Variants in FBLN2 observed in about 807,000 individuals in gnomAD.
FBLN2 encodes the protein fibulin 2, also known as fibulin-2.
FBLN2 carries 81 observed loss-of-function variants against 123.7 expected under a neutral mutation model. The observed-to-expected ratio is 0.65, with a 90% CI of 0.55 to 0.79. FBLN2 has a LOEUF of 0.79. Ranked by LOEUF, FBLN2 falls within the 30% of genes least tolerant of loss-of-function variation. The pLI, the probability that FBLN2 is intolerant of heterozygous loss-of-function variation, is 0.00. For synonymous variants in FBLN2, 699 were observed against 701.4 expected (o/e 1.00, Z 0.05); for missense variants, 1,603 against 1,681.3 (o/e 0.95, Z 0.81).
At position 13,621,763 on chromosome 3, in the gene FBLN2, G is replaced by A. The variant is rs1705858940; in HGVS notation, c.2156-12G>A. 4.3e-6 allele frequency: 7 copies of A among 1,613,494 alleles called. No homozygotes were observed. The highest frequency in any genetic ancestry group is 1.3e-5 in the African/African-American group (1 of 74,914). On this transcript the variant is annotated splice_polypyrimidine_tract_variant and intron_variant, in intron 8 of 17. Transcript: ENST00000404922. ...ACAGTCCTTCTGTTTTTCCTCCTGCGGCTGCCACTAGACCAAGACGAGTGC... is the reference window on the plus strand; with the variant it reads ...ACAGTCCTTCTGTTTTTCCTCCTGCAGCTGCCACTAGACCAAGACGAGTGC...
chr3:13,555,548 A>G (rs569060658), intron 1 of FBLN2, among the ~76,000 whole-genome samples: 17 of 151,856 alleles, frequency 1.1e-4, no homozygotes, highest in Non-Finnish European at 1.9e-4. Context: ...TCCGCCTCCC[A>G]GGTTCATACC....
intron 5 of FBLN2, among the ~76,000 whole-genome samples, chr3:13,615,450 C>G (rs1705566143): frequency 2.6e-5 from 4 of 152,206 alleles, no homozygotes; most frequent in Admixed American, 2.0e-4. Flanking sequence ...AGATGAGGTC[C>G]TGGTATCAAG....
chr3:13,604,638 C>T lies in FBLN2; in HGVS notation c.1307-3424C>T, dbSNP rs544575075. On this transcript the variant is annotated intron_variant, in intron 2 of 17. Coordinates refer to ENST00000404922, the MANE Select transcript of FBLN2 (RefSeq NM_001004019.2). ...GACAATGCTATATAGTAGCATGGCC[C>T]GTGGGCATTATTTTTGTAATATTTA... 8.3e-4 allele frequency among the ~76,000 whole-genome samples: 127 copies of T among 152,262 alleles called. 1 individual carries two copies. The highest frequency in any genetic ancestry group is 8.7e-4 in the Non-Finnish European group (59 of 68,032).
At chr3:13,622,202 AG>A (rs1459339185) in intron 9 of FBLN2, among the ~76,000 whole-genome samples, 1 of 152,062 alleles carries the variant, frequency 6.6e-6, no homozygotes. Flanking sequence ...CAGGAAAATG[AG>A]GGGGTCAGAC....
intron 1 of FBLN2, among the ~76,000 whole-genome samples, chr3:13,556,628 G>A (rs891029582): frequency 6.6e-6 from 1 of 152,236 alleles, no homozygotes; most frequent in Non-Finnish European, 1.5e-5. Context: ...CCCCAAGGCA[G>A]GGTGTGGTGG....
At chr3:13,568,239 C>T (rs1307542578) in intron 1 of FBLN2, among the ~76,000 whole-genome samples, 1 of 152,216 alleles carries the variant, frequency 6.6e-6, no homozygotes, top group Non-Finnish European at 1.5e-5. Flanking sequence ...CATGGCCCTC[C>T]ACCGCAGCCT....
rs780969501 is a variant in FBLN2, at chr3:13,571,268, G to A, written c.913G>A (p.Asp305Asn). The A allele has an allele frequency of 7.1e-5, 112 of 1,569,830 alleles. No individual in the cohort carries two copies. The highest frequency in any genetic ancestry group is 9.4e-5 in the Non-Finnish European group (109 of 1,158,120). Residue 305 changes from aspartate (D) to asparagine (N), a missense_variant, in exon 2 of 18, where the codon GAT becomes AAT. Asp to Asn is a conservative substitution (Grantham distance 23). Coordinates refer to ENST00000404922, the MANE Select transcript of FBLN2 (RefSeq NM_001004019.2). ...GGCAGCAGGTGGCCACAGGGGGCTG[G>A]ATGGGCTGCCCACTACAGCCCCAGC... Reference protein sequence around the residue: ...QLAAGGHRGLDGLPTTAPAGP... With the variant: ...QLAAGGHRGLNGLPTTAPAGP...
At position 13,627,950 on chromosome 3, in the gene FBLN2, T is replaced by A; in HGVS notation, c.2550T>A (p.Asp850Glu). The A allele has an allele frequency of 1.2e-6, 2 of 1,613,538 alleles. No individual in the cohort carries two copies. Among genetic ancestry groups the A allele is most frequent in the Non-Finnish European group, 1.7e-6 (2 of 1,179,682 alleles). ...RQRCMDGFLQ[D>E]PEGNCVDINE... ...GCTGCATGGATGGCTTCCTGCAGGA[T>A]CCTGAAGGCAACTGTGTGGGTGAGC... Residue 850 changes from aspartate to glutamate, a missense_variant, in exon 11 of 18, where the codon GAT becomes GAA. Physicochemically the swap from Asp to Glu is conservative, Grantham distance 45 (BLOSUM62 2). Coordinates refer to ENST00000404922, the MANE Select transcript of FBLN2 (RefSeq NM_001004019.2).
At chr3:13,600,323 G>A (rs1275372679) in intron 2 of FBLN2, among the ~76,000 whole-genome samples, 1 of 152,072 alleles carries the variant, frequency 6.6e-6, no homozygotes, top group African/African-American at 2.4e-5. Flanking sequence ...CAACTGGGTG[G>A]CCCTCCCAGC....
At chr3:13,617,729 A>ACCCCC (rs1183506141) in intron 5 of FBLN2, among the ~76,000 whole-genome samples, 15 of 13,930 alleles carry the variant, frequency 1.1e-3, no homozygotes, top group Non-Finnish European at 9.5e-4. Flanking sequence ...CCATTCATCC[A>ACCCCC]CCCCCCCCAC....
chr3:13,627,709 C>G, intron 10 of FBLN2, 123 bp from the exon 11 acceptor site: 5 of 1,286,498 alleles, frequency 3.9e-6, no homozygotes, highest in Middle Eastern at 5.4e-4. Context: ...GTGCCAGCTT[C>G]CCAGGGAGAT....
intron 14 of FBLN2, among the ~76,000 whole-genome samples, chr3:13,630,434 A>G (rs1016190553): frequency 2.6e-5 from 4 of 152,164 alleles, no homozygotes; most frequent in African/African-American, 9.7e-5. Context: ...TCTTGGCCCC[A>G]TTTACCTGGC....
At position 13,603,224 on chromosome 3, in the gene FBLN2, CTTTT is replaced by C. The variant is rs369193288; in HGVS notation, c.1307-4832_1307-4829del. ...CTACGCCTGGCCTCCTTTTTTCTTT[CTTTT>C]TTTTTAAGTTTTTTTTTTTTTAATT... On this transcript the variant is annotated intron_variant, in intron 2 of 17. Coordinates refer to ENST00000404922, the MANE Select transcript of FBLN2 (RefSeq NM_001004019.2). Among the ~76,000 whole-genome samples, 1,064 of 128,116 alleles carry C rather than the reference CTTTT, an allele frequency of 8.3e-3. 18 individuals carry two copies. The highest frequency in any genetic ancestry group is 0.031 in the African/African-American group (1,007 of 32,512). The allele number at this position is 128,116 out of a possible 152,430, so 84.0% of individuals were successfully genotyped here.
rs115865158 is a variant in FBLN2, at chr3:13,578,608, T to C, written c.1306+6947T>C. Among the ~76,000 whole-genome samples the C allele has an allele frequency of 8.7e-4, 132 of 152,380 alleles. 3 individuals are homozygous for C. Among genetic ancestry groups the C allele is most frequent in the African/African-American group, 3.2e-3 (131 of 41,580 alleles). ...TCTGTTCATCTGTTGATGGACATTA[T>C]TCTTCCAGCTTTTCAGTATTATGAG... On this transcript the variant is annotated intron_variant, in intron 2 of 17. Transcript: ENST00000404922.
rs768451938 is a variant in FBLN2, at chr3:13,630,815, G to T, written c.3085G>T (p.Asp1029Tyr). 62 of 1,593,956 alleles carry T rather than the reference G, an allele frequency of 3.9e-5. No homozygotes were observed. The highest frequency in any genetic ancestry group is 4.9e-5 in the Non-Finnish European group (57 of 1,169,692). The change falls in exon 15 of 18, where the codon GAC (aspartate) becomes TAC (tyrosine). Residue 1029 changes from aspartate to tyrosine, a missense_variant and splice_region_variant. Asp to Tyr is a radical substitution (Grantham distance 160). Coordinates refer to ENST00000404922, the MANE Select transcript of FBLN2 (RefSeq NM_001004019.2). ...QLAEDGHTCT[D>Y]IDECAQGAGI... Reference sequence around the variant, plus strand: ...GGCTGAGGATGGGCACACCTGCACAGGTACCTCTCCCCTGTCCAAGGGCCC... The same window carrying T: ...GGCTGAGGATGGGCACACCTGCACATGTACCTCTCCCCTGTCCAAGGGCCC...
At chr3:13,580,756 CG>C (rs1184735074) in intron 2 of FBLN2, among the ~76,000 whole-genome samples, 1 of 152,228 alleles carries the variant, frequency 6.6e-6, no homozygotes, top group Non-Finnish European at 1.5e-5. Flanking sequence ...GGACACACCT[CG>C]GCCATGTATA....
intron 2 of FBLN2, among the ~76,000 whole-genome samples, chr3:13,585,940 T>C (rs1248566101): frequency 6.6e-6 from 1 of 152,254 alleles, no homozygotes; most frequent in Non-Finnish European, 1.5e-5. Context: ...TACTGTGCGC[T>C]AGTGTGTTAT....
At chr3:13,556,114 C>A (rs1335583790) in intron 1 of FBLN2, among the ~76,000 whole-genome samples, 2 of 152,160 alleles carry the variant, frequency 1.3e-5, no homozygotes, top group African/African-American at 2.4e-5. Flanking sequence ...GTCCTCTGTG[C>A]CCCCAGCTCC....
At chr3:13,550,546 G>A (rs551850110) in intron 1 of FBLN2, among the ~76,000 whole-genome samples, 5 of 152,336 alleles carry the variant, frequency 3.3e-5, no homozygotes, top group South Asian at 2.1e-4. Flanking sequence ...ATGCTGGTCC[G>A]GGCCCTCCCA....
Sources: gnomAD v4.1 joint callset for allele counts (sites outside exome capture counted in the v4.1 genomes callset) on GRCh38, gnomAD v4.1.1 for gene constraint, MANE v1.5 for transcripts, NCBI Gene and HGNC (gene_info 2026-07-23, HGNC 2026-07-21) for gene names.